The following SNX29 variants were observed in gnomAD, a reference collection of about 807,000 sequenced individuals.
SNX29 encodes the protein sorting nexin 29.
In SNX29, 78 loss-of-function variants were observed where a neutral mutation model predicts 102.1. The observed-to-expected ratio is 0.76, with a 90% confidence interval of 0.64 to 0.92. The LOEUF is 0.92. Ranked by LOEUF, SNX29 falls within the 40% of genes least tolerant of loss-of-function variation. The pLI, the probability that SNX29 is intolerant of heterozygous loss-of-function variation, is 0.00. For synonymous variants in SNX29, 580 were observed against 414.5 expected, an observed-to-expected ratio of 1.40 and a Z score of -4.85; for missense variants, 1,280 against 1,061.7, an observed-to-expected ratio of 1.21 and a Z score of -2.86.
chr16:12,285,956 A>G (rs781129312), intron 15 of SNX29, among the ~76,000 whole-genome samples: 7 of 151,394 alleles, frequency 4.6e-5, no homozygotes, highest in African/African-American at 1.5e-4. Flanking sequence ...CCTGGGTTCA[A>G]GTGATTCTCC....
At chr16:12,147,471 T>A (rs1228837902) in intron 13 of SNX29, among the ~76,000 whole-genome samples, 3 of 152,102 alleles carry the variant, frequency 2.0e-5, no homozygotes, top group Non-Finnish European at 4.4e-5. Flanking sequence ...TAATGAGAAG[T>A]AGGTAGAGGT....
chr16:12,415,689 G>C (rs573899567), intron 18 of SNX29, among the ~76,000 whole-genome samples: 1 of 152,078 alleles, frequency 6.6e-6, no homozygotes, highest in East Asian at 1.9e-4. Flanking sequence ...GAGGCCTGGT[G>C]AGCGGACTTG....
At chr16:12,412,877 A>G (rs933736813) in intron 18 of SNX29, among the ~76,000 whole-genome samples, 6 of 152,260 alleles carry the variant, frequency 3.9e-5, no homozygotes, top group African/African-American at 1.4e-4. Context: ...AGTAGCAAAC[A>G]GAGTGGAGGA....
chr16:12,312,255 A>G (rs2080581045), intron 15 of SNX29, among the ~76,000 whole-genome samples: 1 of 152,188 alleles, frequency 6.6e-6, no homozygotes, highest in South Asian at 2.1e-4. Flanking sequence ...AGCCCCCTGC[A>G]CTTCCATCTA....
At chr16:12,214,025 T>G (rs1390511111) in intron 14 of SNX29, among the ~76,000 whole-genome samples, 1 of 152,168 alleles carries the variant, frequency 6.6e-6, no homozygotes, top group African/African-American at 2.4e-5. Flanking sequence ...CATCAAATGT[T>G]GGGTCATAGC....
intron 9 of SNX29, among the ~76,000 whole-genome samples, chr16:12,063,429 C>T (rs920505236): frequency 1.6e-5 from 2 of 127,118 alleles, no homozygotes; most frequent in African/African-American, 6.0e-5. Flanking sequence ...GGCTGGAGTG[C>T]AATGGCATGA....
intron 16 of SNX29, among the ~76,000 whole-genome samples, chr16:12,382,056 G>A (rs1262099887): frequency 6.6e-6 from 1 of 151,972 alleles, no homozygotes; most frequent in East Asian, 1.9e-4. Flanking sequence ...CCAAAACCCA[G>A]CCATCTGAAA....
chr16:12,016,473 G>A (rs529518143), intron 3 of SNX29, among the ~76,000 whole-genome samples: 3 of 152,248 alleles, frequency 2.0e-5, no homozygotes, highest in Admixed American at 6.5e-5. Flanking sequence ...TCATTGCTAG[G>A]TTGTATGGTA....
At chr16:12,481,511 TAGACACACACACAC>T (rs2087923690) in intron 19 of SNX29, among the ~76,000 whole-genome samples, 1 of 111,206 alleles carries the variant, frequency 9.0e-6, no homozygotes. Flanking sequence ...CATATACATA[TAGACACACACACAC>T]ACACACACAC....
intron 18 of SNX29, among the ~76,000 whole-genome samples, chr16:12,417,521 ACT>A (rs1161416265): frequency 1.3e-5 from 2 of 151,122 alleles, no homozygotes; most frequent in East Asian, 3.9e-4. Context: ...CGCTTTGCAC[ACT>A]CTACATCCCT....
intron 20 of SNX29, among the ~76,000 whole-genome samples, chr16:12,546,972 C>T (rs926564477): frequency 2.0e-5 from 3 of 152,198 alleles, no homozygotes; most frequent in African/African-American, 4.8e-5. Context: ...CCACCCATTC[C>T]TCCAATTAGT....
intron 13 of SNX29, among the ~76,000 whole-genome samples, chr16:12,152,523 C>T (rs1011818328): frequency 7.9e-5 from 12 of 152,180 alleles, no homozygotes; most frequent in East Asian, 7.7e-4. Context: ...TAACCTGGAA[C>T]GCGTTGCTTT....
chr16:12,559,871 T>C (rs1288064956), intron 20 of SNX29, among the ~76,000 whole-genome samples: 1 of 152,118 alleles, frequency 6.6e-6, no homozygotes, highest in Non-Finnish European at 1.5e-5. Flanking sequence ...ATACCAGATT[T>C]CAGAGGCTGA....
intron 14 of SNX29, among the ~76,000 whole-genome samples, chr16:12,239,760 C>T (rs1183315738): frequency 6.6e-6 from 1 of 151,696 alleles, no homozygotes; most frequent in East Asian, 1.9e-4. Context: ...ATCAGGGCTA[C>T]CGTGAGCTGG....
intron 18 of SNX29, among the ~76,000 whole-genome samples, chr16:12,470,912 C>G (rs767755988): frequency 9.2e-5 from 14 of 152,206 alleles, no homozygotes; most frequent in Non-Finnish European, 1.9e-4. Flanking sequence ...TCACAACCAC[C>G]CAGTGACATT....
In SNX29 at chr16:12,048,577, G is replaced by A; in HGVS notation, c.705G>A (p.Gln235=). ...SAVSILIKPE[Q]ETDPLPVVSR... ...TCTCCATCCTCATCAAACCTGAACA[G>A]GAGACCGACCCCTTGCCTGTCGTGT... is the stretch of plus-strand genomic sequence containing the variant. Residue 235 remains glutamine, a synonymous_variant, in exon 7 of 21, where the codon CAG becomes CAA. Transcript: ENST00000566228. 1.9e-6 allele frequency: 3 copies of A among 1,613,970 alleles called. No individual in the cohort carries two copies. The highest frequency in any genetic ancestry group is 8.5e-7 in the Non-Finnish European group (1 of 1,179,872).
At chr16:12,381,705 A>C (rs940758862) in intron 16 of SNX29, among the ~76,000 whole-genome samples, 1 of 17,080 alleles carries the variant, frequency 5.9e-5, no homozygotes, top group Non-Finnish European at 1.0e-4. Flanking sequence ...CCACCCACCC[A>C]CCCATCGTCC....
At chr16:12,298,751 G>C (rs560577055) in intron 15 of SNX29, among the ~76,000 whole-genome samples, 1 of 152,154 alleles carries the variant, frequency 6.6e-6, no homozygotes, top group Non-Finnish European at 1.5e-5. Context: ...GCCAAGGAAG[G>C]TTAGATGTGG....
At chr16:12,303,642 G>A (rs1238447300) in intron 15 of SNX29, among the ~76,000 whole-genome samples, 1 of 152,172 alleles carries the variant, frequency 6.6e-6, no homozygotes, top group Non-Finnish European at 1.5e-5. Flanking sequence ...ATTGGAGAGA[G>A]GTTCTCAAAA....
Sources: gnomAD v4.1 joint callset for allele counts (sites outside exome capture counted in the v4.1 genomes callset) on GRCh38, gnomAD v4.1.1 for gene constraint, MANE v1.5 for transcripts, NCBI Gene and HGNC (gene_info 2026-07-23, HGNC 2026-07-21) for gene names.